Variants in AP3B2 observed in about 807,000 individuals in gnomAD.
AP3B2 encodes adaptor related protein complex 3 subunit beta 2, also known as AP-3 complex subunit beta-2.
Under a neutral mutation model 126.9 loss-of-function variants are expected in AP3B2, and 50 were observed. The observed-to-expected ratio is 0.39, with a 90% CI of 0.31 to 0.50. The LOEUF (loss-of-function observed/expected upper bound fraction) is 0.50, where lower values mean the gene tolerates loss of function less well. Among genes scored for constraint, AP3B2 ranks in the 20% least tolerant of loss-of-function variants. The pLI is 0.79. For missense variants in AP3B2, 1,177 were observed against 1,426.4 expected (o/e 0.83, Z 2.82); for synonymous variants, 541 against 565.0 (o/e 0.96, Z 0.60).
intron 21 of AP3B2, 104 bp downstream of exon 21, chr15:82,663,456 G>T (rs765695352): frequency 7.6e-7 from 1 of 1,320,360 alleles, no homozygotes; most frequent in Non-Finnish European, 1.1e-6. Flanking sequence ...CTGCTCCCCT[G>T]CTCCCACAAG....
At position 82,705,747 on chromosome 15, in the gene AP3B2, G is replaced by A. The variant is rs571587872; in HGVS notation, c.113+3847C>T. Among the ~76,000 whole-genome samples, 66 of 152,142 alleles carry A rather than the reference G, an allele frequency of 4.3e-4. No individual in the cohort carries two copies. The South Asian group carries it at 0.013, about 30-fold the overall frequency. On this transcript the variant is annotated intron_variant, in intron 1 of 26. Transcript: ENST00000535359. ...GCTGATCATGTCCGGCTAATCTCCC[G>A]AACCCCAATCCCTTCTACAAAGCAA...
At chr15:82,684,992 T>C (rs1033225836) in intron 4 of AP3B2, 7 of 152,196 alleles carry the variant, frequency 4.6e-5, no homozygotes, top group Admixed American at 1.3e-4. Flanking sequence ...GAGGCCATTG[T>C]AGGGTTATTA....
At chr15:82,661,170 C>T (rs574333374) in intron 25 of AP3B2, among the ~76,000 whole-genome samples, 16 of 152,168 alleles carry the variant, frequency 1.1e-4, no homozygotes, top group Non-Finnish European at 2.4e-4. Flanking sequence ...CCTATTTTCT[C>T]CCACCTCCCA....
At chr15:82,674,302 T>A (rs1567262275) in intron 14 of AP3B2, among the ~76,000 whole-genome samples, 4 of 152,046 alleles carry the variant, frequency 2.6e-5, no homozygotes, top group South Asian at 4.2e-4. Context: ...CCCCAAGGAC[T>A]CCCCCTTCTT....
chr15:82,698,641 C>T (rs1477497846), intron 1 of AP3B2, among the ~76,000 whole-genome samples: 1 of 152,078 alleles, frequency 6.6e-6, no homozygotes, highest in Non-Finnish European at 1.5e-5. Flanking sequence ...TATATCCAGC[C>T]CCAAGGGTCC....
At chr15:82,705,274 G>A (rs1377592093) in intron 1 of AP3B2, among the ~76,000 whole-genome samples, 1 of 152,124 alleles carries the variant, frequency 6.6e-6, no homozygotes, top group Non-Finnish European at 1.5e-5. Context: ...ATTAAAGCCT[G>A]TTATCACTCG....
chr15:82,699,700 G>A lies in AP3B2; in HGVS notation c.113+9894C>T, dbSNP rs1401045212. The A allele has an allele frequency of 1.0e-5, 4 of 399,596 alleles. No individual in the cohort carries two copies. In the East Asian group the frequency reaches 1.1e-4, roughly 11 times the overall value. 24.8% of individuals were successfully genotyped at this position (399,596 alleles called of 1,614,324 possible). A position where few individuals can be genotyped will look rare whatever the true frequency, so the allele number is the denominator to read the frequency against. On this transcript the variant is annotated intron_variant, in intron 1 of 26. Transcript: ENST00000535359. ...TCCTTCCAGAGATGCTTCTGGGGTC[G>A]TGTCTTCCTCCTGGGCCTGCAGCCA...
Position 82,697,696 on chromosome 15 carries a change from T to G in AP3B2, c.114-8243A>C, listed in dbSNP as rs549216067. Among the ~76,000 whole-genome samples the G allele has an allele frequency of 8.5e-4, 130 of 152,362 alleles. 5 individuals carry two copies. The South Asian group carries it at 0.026, about 31-fold the overall frequency. ...ATAGAAAGATGATGCCTTCCAGCAT[T>G]ATCTGAGGCCCTCGCTATCTGTCAT... On this transcript the variant is annotated intron_variant, in intron 1 of 26. Transcript: ENST00000535359.
chr15:82,679,313 G>C (rs1239798262), intron 10 of AP3B2, among the ~76,000 whole-genome samples: 3 of 152,098 alleles, frequency 2.0e-5, no homozygotes, highest in Admixed American at 6.6e-5. Context: ...TCGTTGAGAC[G>C]AGGTTTTGCT....
rs1354131618 is a variant in AP3B2 at position 82,680,274 on chromosome 15, G to T, written c.1056-45C>A. On this transcript the variant is annotated intron_variant, in intron 8 of 26. Coordinates refer to ENST00000535359, the MANE Select transcript of AP3B2 (RefSeq NM_001278512.2). This position sits in a 1 kb window ranked among gnomAD's most constrained non-coding sequence, Gnocchi z 6.1. ...GAGCACCCCGGGCCCCTCGGTTGGG[G>T]CAAGGGTCAGCGGATGAGGGGAAAA... 26 of 1,612,326 alleles carry T rather than the reference G, an allele frequency of 1.6e-5. No homozygotes were observed. The East Asian group carries it at 5.8e-4, about 36-fold the overall frequency.
intron 4 of AP3B2, among the ~76,000 whole-genome samples, chr15:82,683,198 A>G (rs2048374335): frequency 6.7e-6 from 1 of 148,680 alleles, no homozygotes; most frequent in Non-Finnish European, 1.5e-5. Flanking sequence ...AGCTGGGACT[A>G]CAGGTGCCCG....
intron 1 of AP3B2, among the ~76,000 whole-genome samples, chr15:82,695,105 T>C (rs2048612116): frequency 6.7e-6 from 1 of 150,302 alleles, no homozygotes; most frequent in Non-Finnish European, 1.5e-5. Flanking sequence ...CTTTTTTTTT[T>C]TTTTTTTTTG....
intron 1 of AP3B2, among the ~76,000 whole-genome samples, chr15:82,704,164 C>G (rs2048761600): frequency 6.6e-6 from 1 of 152,164 alleles, no homozygotes; most frequent in Admixed American, 6.5e-5. Context: ...AAAACCCAGC[C>G]CAGTTCATGG....
At chr15:82,669,915 T>C (rs1347438464) in intron 14 of AP3B2, among the ~76,000 whole-genome samples, 20 of 138,620 alleles carry the variant, frequency 1.4e-4, no homozygotes, top group Non-Finnish European at 1.1e-4. Flanking sequence ...GCAGGAGAAT[T>C]GCTTGAACCC....
At chr15:82,690,847 G>A (rs544761963) in intron 1 of AP3B2, among the ~76,000 whole-genome samples, 3 of 148,478 alleles carry the variant, frequency 2.0e-5, no homozygotes, top group East Asian at 2.0e-4. Flanking sequence ...TAGTAGAGAC[G>A]GGGTTTCACC....
intron 14 of AP3B2, among the ~76,000 whole-genome samples, chr15:82,672,646 G>A (rs891396343): frequency 6.6e-6 from 1 of 152,178 alleles, no homozygotes; most frequent in Non-Finnish European, 1.5e-5. Flanking sequence ...ATAAATGCTT[G>A]AGAGGATGGA....
At position 82,681,680 on chromosome 15, in the gene AP3B2, T is replaced by G; in HGVS notation, c.361-100A>C. The G allele has an allele frequency of 1.5e-6, 2 of 1,309,616 alleles. No individual in the cohort carries two copies. The highest frequency in any genetic ancestry group is 2.1e-4 in the Middle Eastern group (1 of 4,678). The allele number at this position is 1,309,616 out of a possible 1,614,324, so 81.1% of individuals were successfully genotyped here. ...GTCACTGTCCCCAGCGACCACTAGC[T>G]CTTGCTTCCCTGCCGCTTGACTGGA... On this transcript the variant is annotated intron_variant, in intron 4 of 26. Coordinates refer to ENST00000535359, the MANE Select transcript of AP3B2 (RefSeq NM_001278512.2). The surrounding 1 kb of genome is among the most constrained non-coding windows in gnomAD (Gnocchi z 4.0).
chr15:82,707,980 A>G (rs1173076965), intron 1 of AP3B2, among the ~76,000 whole-genome samples: 1 of 152,070 alleles, frequency 6.6e-6, no homozygotes, highest in African/African-American at 2.4e-5. Flanking sequence ...CCAACACTTC[A>G]ACACTATTTT....
At chr15:82,677,468 C>A in intron 12 of AP3B2, 85 bp from the exon 13 acceptor site, 1 of 1,411,040 alleles carries the variant, frequency 7.1e-7, no homozygotes. Context: ...GTGCCCCAGG[C>A]CCTTGGCTCT....
Sources: allele counts gnomAD v4.1 joint callset (sites outside exome capture counted in the v4.1 genomes callset), GRCh38; gene constraint gnomAD v4.1.1; non-coding constraint Gnocchi (gnomAD v3.1); transcripts MANE v1.5; gene names NCBI Gene and HGNC (gene_info 2026-07-23, HGNC 2026-07-21).